AHCY: variants seen among roughly 807,000 people sequenced by gnomAD.
AHCY encodes adenosylhomocysteinase.
AHCY carries 24 observed loss-of-function variants against 45.4 expected under a neutral mutation model. The observed-to-expected ratio is 0.53, with a 90% CI of 0.38 to 0.74. The LOEUF (loss-of-function observed/expected upper bound fraction) is 0.74, where lower values mean the gene tolerates loss of function less well. Among genes scored for constraint, AHCY ranks in the 30% least tolerant of loss-of-function variants. AHCY has a pLI of 0.00. For synonymous variants in AHCY, 245 were observed against 235.1 expected (o/e 1.04, Z -0.39); for missense variants, 449 against 594.1 (o/e 0.76, Z 2.54).
the AHCY span, among the ~76,000 whole-genome samples, chr20:34,237,902 T>G: frequency 6.6e-6 from 1 of 152,178 alleles, no homozygotes. Flanking sequence ...CTGCATCAAT[T>G]GAGATAATCT....
At chr20:34,310,814 G>A (rs1392585488) in intron 1 of AHCY, among the ~76,000 whole-genome samples, 1 of 152,260 alleles carries the variant, frequency 6.6e-6, no homozygotes, top group African/African-American at 2.4e-5. Context: ...GCAACAAAGC[G>A]AGACCCTGTC....
intron 1 of AHCY, among the ~76,000 whole-genome samples, chr20:34,296,745 G>A (rs1222667123): frequency 6.6e-6 from 1 of 152,116 alleles, no homozygotes; most frequent in Non-Finnish European, 1.5e-5. Context: ...AAGACTCCTG[G>A]TGATTTTTAT....
Position 34,280,910 on chromosome 20 carries a change from G to T in AHCY, c.*124C>A. On this transcript the variant is annotated 3_prime_UTR_variant, in exon 10 of 10. Transcript: ENST00000217426. The stretch of plus-strand genomic sequence containing the variant: ...GCAGAGGCCAAAAACTAAGTGATCA[G>T]CCCCAGAGAGTCGATGGGGGACACT... 1.4e-6 allele frequency: 2 copies of T among 1,437,686 alleles called. No individual in the cohort carries two copies. The highest frequency in any genetic ancestry group is 4.9e-5 in the East Asian group (2 of 40,912). 89.1% of individuals were successfully genotyped at this position (1,437,686 alleles called of 1,614,324 possible).
At chr20:34,301,895 C>T in intron 1 of AHCY, 2 of 985,472 alleles carry the variant, frequency 2.0e-6, no homozygotes, top group Non-Finnish European at 2.4e-6. Context: ...GGGATTACGT[C>T]CACCTCTATG....
the AHCY span, among the ~76,000 whole-genome samples, chr20:34,237,052 T>C: frequency 6.6e-6 from 1 of 152,230 alleles, no homozygotes; most frequent in Non-Finnish European, 1.5e-5. Flanking sequence ...CTTTATTTAT[T>C]CTATTATGGG....
the AHCY span, among the ~76,000 whole-genome samples, chr20:34,263,974 T>C: frequency 2.6e-5 from 4 of 152,160 alleles, no homozygotes; most frequent in Admixed American, 2.6e-4. Context: ...CCCAGCTGAC[T>C]TTTTAAATTG....
chr20:34,269,457 C>T, the AHCY span: 1 of 423,790 alleles, frequency 2.4e-6, no homozygotes, highest in South Asian at 4.5e-5. Flanking sequence ...AGCCTCACAG[C>T]TGCACTCCCA....
chr20:34,288,904 T>A (rs2122747805), intron 8 of AHCY, among the ~76,000 whole-genome samples: 1 of 152,310 alleles, frequency 6.6e-6, no homozygotes, highest in African/African-American at 2.4e-5. Flanking sequence ...ATCTTCCAGT[T>A]TCAGTGCCCC....
At chr20:34,258,685 A>ATATATATACACTATATATATG in the AHCY span, among the ~76,000 whole-genome samples, 1 of 74,492 alleles carries the variant, frequency 1.3e-5, no homozygotes, top group African/African-American at 8.7e-5. Flanking sequence ...ATATATATAT[A>ATATATATACACTATATATATG]TATATACATA....
the AHCY span, among the ~76,000 whole-genome samples, chr20:34,242,641 G>T: frequency 1.3e-5 from 2 of 152,246 alleles, no homozygotes; most frequent in African/African-American, 4.8e-5. Context: ...ATAAATGTCT[G>T]TCTCAAAACC....
chr20:34,262,703 C>T, the AHCY span: 4 of 974,686 alleles, frequency 4.1e-6, no homozygotes, highest in African/African-American at 3.2e-5. Flanking sequence ...TACAGTGTGA[C>T]TCATCCAGCA....
chr20:34,234,514 T>C, the AHCY span, among the ~76,000 whole-genome samples: 1 of 152,126 alleles, frequency 6.6e-6, no homozygotes, highest in African/African-American at 2.4e-5. Context: ...CCTTCCTTCC[T>C]TCCTTCCTTC....
intron 1 of AHCY, among the ~76,000 whole-genome samples, chr20:34,299,911 C>T (rs2036712607): frequency 1.3e-5 from 2 of 152,202 alleles, no homozygotes; most frequent in African/African-American, 2.4e-5. Flanking sequence ...AGGCTGGGCG[C>T]GGTGGCTCAC....
At chr20:34,288,063 C>T (rs2036245279) in intron 8 of AHCY, among the ~76,000 whole-genome samples, 1 of 152,164 alleles carries the variant, frequency 6.6e-6, no homozygotes, top group African/African-American at 2.4e-5. Context: ...CCCTGGCCAC[C>T]CCCACACTGT....
At chr20:34,265,906 C>T in the AHCY span, among the ~76,000 whole-genome samples, 3 of 151,512 alleles carry the variant, frequency 2.0e-5, no homozygotes, top group East Asian at 1.9e-4. Flanking sequence ...GCCAAGATCA[C>T]ACCACTGCAC....
intron 8 of AHCY, among the ~76,000 whole-genome samples, chr20:34,289,725 G>A (rs538354211): frequency 1.1e-4 from 17 of 150,410 alleles, no homozygotes; most frequent in East Asian, 2.0e-4. Context: ...TGATCCGCCC[G>A]CCTCGACCTC....
At chr20:34,289,861 T>G (rs1386639973) in intron 8 of AHCY, among the ~76,000 whole-genome samples, 1 of 152,054 alleles carries the variant, frequency 6.6e-6, no homozygotes, top group African/African-American at 2.4e-5. Flanking sequence ...CCTCAGGTGA[T>G]CCGCCCATCT....
At chr20:34,255,340 T>G in the AHCY span, among the ~76,000 whole-genome samples, 3 of 152,088 alleles carry the variant, frequency 2.0e-5, no homozygotes, top group African/African-American at 4.8e-5. Context: ...CTTCCTTTCT[T>G]TTCTTTTTTG....
intron 9 of AHCY, 107 bp from the exon 10 acceptor site, chr20:34,281,272 G>A (rs2035994276): frequency 6.6e-7 from 1 of 1,519,782 alleles, no homozygotes; most frequent in Non-Finnish European, 9.0e-7. Context: ...TTTCTGCCAT[G>A]TGTGGTACTC....
Sources: gnomAD v4.1 joint callset for allele counts (sites outside exome capture counted in the v4.1 genomes callset) on GRCh38, gnomAD v4.1.1 for gene constraint, MANE v1.5 for transcripts, NCBI Gene and HGNC (gene_info 2026-07-23, HGNC 2026-07-21) for gene names.